TESK2: variants seen among roughly 807,000 people sequenced by gnomAD.
The protein encoded by TESK2 is dual specificity testis-specific protein kinase 2.
In TESK2, 39 loss-of-function variants were observed where a neutral mutation model predicts 57.1. The observed-to-expected ratio is 0.68, with a 90% CI of 0.53 to 0.89. The LOEUF is 0.89. Ranked by LOEUF, TESK2 falls within the 40% of genes least tolerant of loss-of-function variation. TESK2 has a pLI of 0.00. For synonymous variants in TESK2, 249 were observed against 267.9 expected (o/e 0.93, Z 0.69); for missense variants, 646 against 732.1 (o/e 0.88, Z 1.36).
chr1:45,357,415 C>T (rs1369149415), intron 4 of TESK2, among the ~76,000 whole-genome samples: 1 of 151,816 alleles, frequency 6.6e-6, no homozygotes, highest in African/African-American at 2.4e-5. Flanking sequence ...TTGGACAGAG[C>T]AGTTTCAGTA....
intron 2 of TESK2, among the ~76,000 whole-genome samples, chr1:45,454,526 G>A (rs558764574): frequency 5.3e-5 from 8 of 151,934 alleles, no homozygotes; most frequent in Admixed American, 2.6e-4. Context: ...CAATTCTCCC[G>A]TCTTGGCCTC....
In TESK2 at chr1:45,344,828, G is replaced by A. The variant is rs746935742; in HGVS notation, c.*12C>T. The A allele has an allele frequency of 6.2e-7, 1 of 1,604,680 alleles. No individual in the cohort carries two copies. Among genetic ancestry groups the A allele is most frequent in the South Asian group, 1.1e-5 (1 of 90,228 alleles). On this transcript the variant is annotated 3_prime_UTR_variant, in exon 11 of 11. Transcript: ENST00000372086. ...AGGTCCATCCCCAAGGTGAGGCAGG[G>A]ACTAAACCCCCTCACCCATCCTGCT... is the stretch of plus-strand genomic sequence containing the variant.
chr1:45,482,287 G>A (rs1653258461), intron 1 of TESK2, among the ~76,000 whole-genome samples: 1 of 152,136 alleles, frequency 6.6e-6, no homozygotes, highest in Non-Finnish European at 1.5e-5. Context: ...AGGACTTTGG[G>A]AGGCTGAAGG....
chr1:45,466,666 A>AT (rs1328594144), intron 1 of TESK2, among the ~76,000 whole-genome samples: 4 of 148,502 alleles, frequency 2.7e-5, no homozygotes, highest in Admixed American at 6.8e-5. Flanking sequence ...TAATAATAAT[A>AT]ATATATATTA....
chr1:45,404,914 G>A (rs572485620), intron 3 of TESK2, among the ~76,000 whole-genome samples: 2 of 152,102 alleles, frequency 1.3e-5, no homozygotes, highest in East Asian at 1.9e-4. Flanking sequence ...AGCAAATGGC[G>A]GAGTCAGGGA....
intron 1 of TESK2, among the ~76,000 whole-genome samples, chr1:45,460,598 G>A (rs1022917438): frequency 2.0e-5 from 3 of 151,994 alleles, no homozygotes; most frequent in African/African-American, 7.2e-5. Flanking sequence ...TCCAAGCCCA[G>A]GCTGAAGTGC....
intron 1 of TESK2, among the ~76,000 whole-genome samples, chr1:45,484,280 T>G (rs541375059): frequency 6.6e-6 from 1 of 152,006 alleles, no homozygotes; most frequent in Non-Finnish European, 1.5e-5. Flanking sequence ...GGCTAATTTT[T>G]GTATTTTTAG....
chr1:45,457,999 T>C (rs899279857), intron 1 of TESK2, 128 bp from the exon 2 acceptor site: 2 of 517,306 alleles, frequency 3.9e-6, no homozygotes, highest in Admixed American at 3.2e-5. Context: ...AAAAATGTTT[T>C]ATGTCTTTAC....
chr1:45,428,339 T>C (rs889457342), intron 2 of TESK2, among the ~76,000 whole-genome samples: 2 of 152,126 alleles, frequency 1.3e-5, no homozygotes, highest in Non-Finnish European at 2.9e-5. Flanking sequence ...TTGAGCCTGA[T>C]ACAGTCAGAC....
intron 2 of TESK2, among the ~76,000 whole-genome samples, chr1:45,436,181 C>CTTTTTTT (rs1170732475): frequency 0.012 from 706 of 56,494 alleles, 49 homozygotes; most frequent in East Asian, 0.016. Context: ...TTGGTATCTT[C>CTTTTTTT]TTTTTTTTTT....
chr1:45,441,428 C>T (rs1651439480), intron 2 of TESK2, among the ~76,000 whole-genome samples: 1 of 151,912 alleles, frequency 6.6e-6, no homozygotes, highest in African/African-American at 2.4e-5. Flanking sequence ...CCGCCTGCCT[C>T]GTCCTCCCAG....
At chr1:45,421,608 A>T in intron 3 of TESK2, 117 bp downstream of exon 3, 1 of 1,421,932 alleles carries the variant, frequency 7.0e-7, no homozygotes, top group Non-Finnish European at 9.6e-7. Context: ...AAACCCCAGC[A>T]AGATAGATTC....
At chr1:45,449,208 C>CGA (rs1651772519) in intron 2 of TESK2, among the ~76,000 whole-genome samples, 1 of 136,800 alleles carries the variant, frequency 7.3e-6, no homozygotes, top group Non-Finnish European at 1.5e-5. Context: ...GGTGACAGAG[C>CGA]GAGACTCTGT....
chr1:45,378,085 C>T (rs937784278), intron 4 of TESK2, among the ~76,000 whole-genome samples: 5 of 151,900 alleles, frequency 3.3e-5, no homozygotes, highest in Non-Finnish European at 7.4e-5. Flanking sequence ...GGAAGGTAAC[C>T]AAGCTAAGCT....
chr1:45,384,615 T>TTTA lies in TESK2; in HGVS notation c.393+1296_393+1297insTAA, dbSNP rs1557551612. ...TTAATTTTTTTTTTTTTTTTTTTTT[T>TTTA]TTTTTTTTTTTGTAGAGACAGAGCC... On this transcript the variant is annotated intron_variant, in intron 4 of 10. Coordinates refer to ENST00000372086, the MANE Select transcript of TESK2 (RefSeq NM_007170.3). Among the ~76,000 whole-genome samples the TTTA allele has an allele frequency of 9.9e-4, 77 of 78,168 alleles. 1 individual carries two copies. Among genetic ancestry groups the TTTA allele is most frequent in the Middle Eastern group, 6.0e-3 (1 of 166 alleles). The allele number at this position is 78,168 out of a possible 152,430, so 51.3% of individuals were successfully genotyped here.
chr1:45,346,104 C>T, intron 9 of TESK2, 110 bp from the exon 10 acceptor site: 2 of 853,700 alleles, frequency 2.3e-6, no homozygotes, highest in Admixed American at 1.9e-5. Flanking sequence ...AGCTGAGAGA[C>T]CTTTTCTAAA....
chr1:45,392,528 C>G (rs1178206684), intron 3 of TESK2, among the ~76,000 whole-genome samples: 1 of 152,114 alleles, frequency 6.6e-6, no homozygotes, highest in South Asian at 2.1e-4. Flanking sequence ...CATGGAAAAC[C>G]CTGTCTCTAC....
intron 1 of TESK2, among the ~76,000 whole-genome samples, chr1:45,479,088 T>C (rs1179537671): frequency 6.6e-6 from 1 of 152,180 alleles, no homozygotes; most frequent in Non-Finnish European, 1.5e-5. Context: ...TTAAAATCTC[T>C]ATTTTCCAAT....
At chr1:45,451,848 G>A (rs1490190063) in intron 2 of TESK2, among the ~76,000 whole-genome samples, 16 of 151,846 alleles carry the variant, frequency 1.1e-4, no homozygotes. Flanking sequence ...AGCCTGGCCA[G>A]CATGGTGAAA....
Sources: allele counts gnomAD v4.1 joint callset (sites outside exome capture counted in the v4.1 genomes callset), GRCh38; gene constraint gnomAD v4.1.1; transcripts MANE v1.5; gene names NCBI Gene and HGNC (gene_info 2026-07-23, HGNC 2026-07-21).